The following GPHN variants were observed in gnomAD, a reference collection of about 807,000 sequenced individuals.
The protein encoded by GPHN is gephyrin.
In GPHN, 17 loss-of-function variants were observed where a neutral mutation model predicts 95.5. The ratio of observed to expected loss-of-function variants is 0.18; its 90% CI spans 0.12 to 0.27. GPHN has a LOEUF of 0.27. Ranked by LOEUF, GPHN falls within the 10% of genes least tolerant of loss-of-function variation. The pLI is 1.00. For missense variants in GPHN, 660 were observed against 978.1 expected (o/e 0.67, Z 4.34); for synonymous variants, 320 against 322.5 (o/e 0.99, Z 0.08).
chr14:67,494,676 C>T, the GPHN span, among the ~76,000 whole-genome samples: 6 of 152,340 alleles, frequency 3.9e-5, no homozygotes, highest in South Asian at 2.1e-4. Flanking sequence ...TGTCCACAGC[C>T]GGTGATGGCT....
At chr14:67,342,529 ACT>A in the GPHN span, among the ~76,000 whole-genome samples, 1 of 146,962 alleles carries the variant, frequency 6.8e-6, no homozygotes, top group African/African-American at 2.5e-5. Context: ...TAGAATGTGA[ACT>A]CTGAGGGTAA....
At chr14:66,563,103 T>C (rs1045934334) in intron 1 of GPHN, among the ~76,000 whole-genome samples, 4 of 150,808 alleles carry the variant, frequency 2.7e-5, no homozygotes, top group Non-Finnish European at 4.4e-5. Context: ...GGGATTTTAT[T>C]GGTATAAATA....
the GPHN span, among the ~76,000 whole-genome samples, chr14:67,664,498 A>ATTT: frequency 2.0e-5 from 3 of 147,052 alleles, no homozygotes; most frequent in South Asian, 2.2e-4. Flanking sequence ...CTAAAGAGCA[A>ATTT]TTTTTTTTTT....
chr14:66,794,699 CT>C lies in GPHN; in HGVS notation c.201+18181del, dbSNP rs560344967. Among the ~76,000 whole-genome samples, 655 of 152,192 alleles carry C rather than the reference CT, an allele frequency of 4.3e-3. 5 individuals are homozygous for C. Among genetic ancestry groups the C allele is most frequent in the Middle Eastern group, 0.014 (4 of 294 alleles). On this transcript the variant is annotated intron_variant, in intron 3 of 22. Transcript: ENST00000478722. ...AGTTCATTAACATTTCTGAAACTTC[CT>C]TTATGGCCCAGTAGATTGTCTACTT...
chr14:67,155,568 A>G lies in GPHN; in HGVS notation c.1837-3847A>G, dbSNP rs183504180. Among the ~76,000 whole-genome samples the G allele has an allele frequency of 5.9e-5, 9 of 152,358 alleles. No homozygotes were observed. In the East Asian group the frequency reaches 1.2e-3, roughly 20 times the overall value. On this transcript the variant is annotated intron_variant, in intron 18 of 22. Transcript: ENST00000478722. ...AAATTTCACTAGAAAACTGGTATCT[A>G]TTCATAAGAATCAAATTGAAATTTT...
At chr14:67,390,694 G>A in the GPHN span, 2 of 1,613,496 alleles carry the variant, frequency 1.2e-6, no homozygotes, top group Non-Finnish European at 1.7e-6. Flanking sequence ...CAGGAAAGCT[G>A]GATCCTTCCT....
chr14:67,305,259 T>C, the GPHN span, among the ~76,000 whole-genome samples: 1 of 152,186 alleles, frequency 6.6e-6, no homozygotes, highest in Non-Finnish European at 1.5e-5. Context: ...CTTTTGTCTT[T>C]TGAGAATAAA....
chr14:67,589,350 C>G, the GPHN span: 2 of 982,660 alleles, frequency 2.0e-6, no homozygotes, highest in Admixed American at 1.2e-4. Flanking sequence ...ACATGAGAGT[C>G]CCATGTCTGA....
At chr14:67,625,304 C>T in the GPHN span, among the ~76,000 whole-genome samples, 1 of 152,242 alleles carries the variant, frequency 6.6e-6, no homozygotes, top group Middle Eastern at 3.4e-3. Context: ...GGTTTCTTAG[C>T]TATCCCATCA....
chr14:66,589,921 A>T (rs2061571948), intron 1 of GPHN, among the ~76,000 whole-genome samples: 1 of 152,194 alleles, frequency 6.6e-6, no homozygotes, highest in African/African-American at 2.4e-5. Flanking sequence ...AATTGACCAC[A>T]TAGTGGAAGT....
intron 13 of GPHN, among the ~76,000 whole-genome samples, chr14:67,103,659 A>G (rs1595149882): frequency 1.4e-5 from 2 of 139,926 alleles, no homozygotes; most frequent in South Asian, 2.4e-4. Flanking sequence ...TTGCTTTCTC[A>G]TTTTCTTTCT....
At chr14:67,115,601 G>A (rs2078639186) in intron 16 of GPHN, among the ~76,000 whole-genome samples, 1 of 152,114 alleles carries the variant, frequency 6.6e-6, no homozygotes, top group South Asian at 2.1e-4. Context: ...TGGGTGTGAT[G>A]GCACATGCCT....
At chr14:67,381,393 A>G in the GPHN span, among the ~76,000 whole-genome samples, 1 of 152,224 alleles carries the variant, frequency 6.6e-6, no homozygotes, top group Non-Finnish European at 1.5e-5. Flanking sequence ...ACCGTTTTAG[A>G]TAAGTTGCAG....
At chr14:67,419,428 G>A in the GPHN span, among the ~76,000 whole-genome samples, 1 of 152,170 alleles carries the variant, frequency 6.6e-6, no homozygotes, top group African/African-American at 2.4e-5. Flanking sequence ...TTACAACAAT[G>A]CAGGGTATTT....
At chr14:67,066,913 T>G (rs1567284329) in intron 11 of GPHN, among the ~76,000 whole-genome samples, 1 of 152,178 alleles carries the variant, frequency 6.6e-6, no homozygotes, top group Non-Finnish European at 1.5e-5. Context: ...ATTACGGACC[T>G]TCTGAAGCCT....
At chr14:67,224,291 C>T in the GPHN span, among the ~76,000 whole-genome samples, 1 of 144,812 alleles carries the variant, frequency 6.9e-6, no homozygotes, top group Non-Finnish European at 1.5e-5. Flanking sequence ...CAGAGTCTTA[C>T]TCTGTCGCCC....
At chr14:66,553,719 G>A (rs2059906383) in intron 1 of GPHN, among the ~76,000 whole-genome samples, 1 of 152,150 alleles carries the variant, frequency 6.6e-6, no homozygotes, top group African/African-American at 2.4e-5. Flanking sequence ...TGGGACTACA[G>A]GCATGGGCCA....
chr14:66,613,803 C>T (rs2062882930), intron 1 of GPHN, among the ~76,000 whole-genome samples: 2 of 152,006 alleles, frequency 1.3e-5, no homozygotes, highest in African/African-American at 2.4e-5. Flanking sequence ...TAAATAGCAT[C>T]CATACTTTAT....
chr14:66,882,728 G>A (rs1024177133), intron 5 of GPHN, among the ~76,000 whole-genome samples: 1 of 151,578 alleles, frequency 6.6e-6, no homozygotes, highest in African/African-American at 2.4e-5. Context: ...TGTTTTTAGA[G>A]TAGGTCTGCT....
Sources: allele counts gnomAD v4.1 joint callset (sites outside exome capture counted in the v4.1 genomes callset), GRCh38; gene constraint gnomAD v4.1.1; transcripts MANE v1.5; gene names NCBI Gene and HGNC (gene_info 2026-07-23, HGNC 2026-07-21).